RPS6KC1: variants seen among roughly 807,000 people sequenced by gnomAD.
The protein encoded by RPS6KC1 is ribosomal protein S6 kinase C1.
A neutral mutation model predicts 103.8 loss-of-function variants in RPS6KC1; 54 were observed. The ratio of observed to expected loss-of-function variants is 0.52; its 90% confidence interval spans 0.42 to 0.65. The LOEUF (loss-of-function observed/expected upper bound fraction) is 0.65, where lower values mean the gene tolerates loss of function less well. RPS6KC1 is among the 30% of genes least tolerant of loss of function. RPS6KC1 has a pLI of 0.00. For synonymous variants in RPS6KC1, 439 were observed against 438.7 expected (o/e 1.00, Z -0.01); for missense variants, 1,151 against 1,253.8 (o/e 0.92, Z 1.24).
At chr1:213,366,724 C>A in the RPS6KC1 span, among the ~76,000 whole-genome samples, 1 of 152,226 alleles carries the variant, frequency 6.6e-6, no homozygotes, top group Non-Finnish European at 1.5e-5. Context: ...GGGTCTAGAG[C>A]CCACCCTTTA....
At chr1:213,712,721 G>A in the RPS6KC1 span, among the ~76,000 whole-genome samples, 33 of 152,302 alleles carry the variant, frequency 2.2e-4, no homozygotes, top group South Asian at 1.2e-3. Flanking sequence ...GGATACCACC[G>A]TCCCTCACTG....
chr1:213,310,442 T>C, the RPS6KC1 span, among the ~76,000 whole-genome samples: 1 of 151,688 alleles, frequency 6.6e-6, no homozygotes, highest in Admixed American at 6.6e-5. Context: ...GCCTTTGCAC[T>C]TTTTTTTTCC....
intron 8 of RPS6KC1, among the ~76,000 whole-genome samples, chr1:213,182,824 TTTC>T (rs2092337773): frequency 6.7e-6 from 1 of 148,288 alleles, no homozygotes; most frequent in Non-Finnish European, 1.5e-5. Flanking sequence ...TTGAAGTGAG[TTTC>T]TTATATATCA....
intron 6 of RPS6KC1, 25 bp downstream of exon 6, chr1:213,129,914 T>G: frequency 1.3e-6 from 2 of 1,551,946 alleles, no homozygotes; most frequent in Non-Finnish European, 1.7e-6. Context: ...ATATTATGTT[T>G]TGGCATGCTC....
the RPS6KC1 span, among the ~76,000 whole-genome samples, chr1:213,719,549 C>T: frequency 8.7e-6 from 1 of 115,272 alleles, no homozygotes; most frequent in Non-Finnish European, 2.0e-5. Flanking sequence ...ATTAACATTT[C>T]TTAGTTCGTT....
At chr1:213,605,156 A>C in the RPS6KC1 span, among the ~76,000 whole-genome samples, 2 of 152,170 alleles carry the variant, frequency 1.3e-5, no homozygotes, top group African/African-American at 4.8e-5. Flanking sequence ...AGGCCAAAAG[A>C]AATCCTGAAA....
the RPS6KC1 span, among the ~76,000 whole-genome samples, chr1:213,461,018 G>A: frequency 6.6e-6 from 1 of 152,158 alleles, no homozygotes; most frequent in South Asian, 2.1e-4. Flanking sequence ...CAGATGACAT[G>A]ATTGTATATG....
chr1:213,061,741 G>A (rs1221530956), intron 1 of RPS6KC1, among the ~76,000 whole-genome samples: 1 of 152,148 alleles, frequency 6.6e-6, no homozygotes, highest in East Asian at 1.9e-4. Context: ...AAGGAGAAAT[G>A]TTCAGAATAG....
In RPS6KC1 at chr1:213,077,800, T is replaced by C. The variant is rs371532539; in HGVS notation, c.246T>C (p.Ala82=). 5.8e-6 allele frequency: 9 copies of C among 1,559,196 alleles called. No individual in the cohort carries two copies. Among genetic ancestry groups the C allele is most frequent in the South Asian group, 2.5e-5 (2 of 80,796 alleles). ...FRHSELFPPF[A]KGIVFGRFDE... ...ATTCAGAGTTGTTTCCTCCATTTGC[T>C]AAAGGAATAGTGTTTGGTAAGTGAT... The change falls in exon 3 of 15, where the codon GCT becomes GCC. Residue 82 remains alanine, a synonymous_variant. Transcript: ENST00000366960.
the RPS6KC1 span, among the ~76,000 whole-genome samples, chr1:213,691,587 T>C: frequency 5.3e-5 from 8 of 152,298 alleles, no homozygotes; most frequent in African/African-American, 1.9e-4. Flanking sequence ...CAGAGAAGTG[T>C]TTCGGTCTCC....
chr1:213,134,372 CCTCTT>C (rs746283075), intron 6 of RPS6KC1, among the ~76,000 whole-genome samples: 16 of 151,902 alleles, frequency 1.1e-4, no homozygotes, highest in East Asian at 3.9e-4. Flanking sequence ...CCTTTCCTCT[CCTCTT>C]CTCTTCTCTT....
At chr1:213,116,809 T>C (rs899750304) in intron 4 of RPS6KC1, among the ~76,000 whole-genome samples, 1 of 149,098 alleles carries the variant, frequency 6.7e-6, no homozygotes, top group African/African-American at 2.5e-5. Flanking sequence ...CCTTCACTTA[T>C]GAAGCTTAGT....
chr1:213,131,228 T>C (rs2085572749), intron 6 of RPS6KC1, among the ~76,000 whole-genome samples: 1 of 152,210 alleles, frequency 6.6e-6, no homozygotes, highest in African/African-American at 2.4e-5. Flanking sequence ...ATTGTCTTAC[T>C]AAAGTTGCTT....
chr1:213,412,745 C>T, the RPS6KC1 span, among the ~76,000 whole-genome samples: 1 of 152,212 alleles, frequency 6.6e-6, no homozygotes, highest in East Asian at 1.9e-4. Flanking sequence ...GATGCAGTGG[C>T]TGCGTCCTCA....
At chr1:213,632,274 G>A in the RPS6KC1 span, among the ~76,000 whole-genome samples, 2 of 152,056 alleles carry the variant, frequency 1.3e-5, no homozygotes, top group Non-Finnish European at 2.9e-5. Context: ...AAAATACCAA[G>A]GGGTATCCCC....
the RPS6KC1 span, among the ~76,000 whole-genome samples, chr1:213,307,303 G>A: frequency 6.6e-6 from 1 of 151,972 alleles, no homozygotes; most frequent in Non-Finnish European, 1.5e-5. Context: ...CGCCCGCCTC[G>A]GCCTCCCATA....
Position 213,051,896 on chromosome 1 carries a change from T to C in RPS6KC1, c.105+387T>C, listed in dbSNP as rs533885016. 2.0e-5 allele frequency among the ~76,000 whole-genome samples: 3 copies of C among 152,350 alleles called. No homozygotes were observed. In the South Asian group the frequency reaches 6.2e-4, roughly 32 times the overall value. ...GTTAATTTATGTATTGTTTGGCTTA[T>C]GTAATATAAGTTGTTTTTTCTCTTG... On this transcript the variant is annotated intron_variant, in intron 1 of 14. Coordinates refer to ENST00000366960, the MANE Select transcript of RPS6KC1 (RefSeq NM_012424.6).
intron 6 of RPS6KC1, among the ~76,000 whole-genome samples, chr1:213,165,260 T>G (rs1047543666): frequency 6.6e-6 from 1 of 152,128 alleles, no homozygotes; most frequent in African/African-American, 2.4e-5. Context: ...TTTTTGAGTC[T>G]TGCTCTGTTG....
At chr1:213,060,128 CTTTTTAG>C (rs1227710849) in intron 1 of RPS6KC1, among the ~76,000 whole-genome samples, 1 of 152,174 alleles carries the variant, frequency 6.6e-6, no homozygotes, top group African/African-American at 2.4e-5. Flanking sequence ...GCATGTTTTA[CTTTTTAG>C]TTTTGTTAGC....
Sources: gnomAD v4.1 joint callset for allele counts (sites outside exome capture counted in the v4.1 genomes callset) on GRCh38, gnomAD v4.1.1 for gene constraint, MANE v1.5 for transcripts, NCBI Gene and HGNC (gene_info 2026-07-23, HGNC 2026-07-21) for gene names.